The following KCNN2 variants were observed in gnomAD, a reference collection of about 807,000 sequenced individuals.
KCNN2 encodes small conductance calcium-activated potassium channel protein 2.
KCNN2 carries 24 observed loss-of-function variants against 55.5 expected under a neutral mutation model. The ratio of observed to expected loss-of-function variants is 0.43; its 90% CI spans 0.31 to 0.61. The LOEUF (loss-of-function observed/expected upper bound fraction) is 0.61, where lower values mean the gene tolerates loss of function less well. Ranked by LOEUF, KCNN2 falls within the 20% of genes least tolerant of loss-of-function variation. The probability of loss-of-function intolerance (pLI) is 0.08; values close to 1 mark genes in which losing one functional copy is unlikely to be tolerated. For synonymous variants in KCNN2, 431 were observed against 336.1 expected (o/e 1.28, Z -3.09); for missense variants, 754 against 853.6 (o/e 0.88, Z 1.45).
intron 1 of KCNN2, among the ~76,000 whole-genome samples, chr5:114,211,175 A>G (rs973478188): frequency 4.6e-5 from 7 of 152,204 alleles, no homozygotes; most frequent in Non-Finnish European, 1.0e-4. Flanking sequence ...AGATAAAAAC[A>G]GAAATACCAT....
At chr5:114,149,182 G>C (rs1317203681) in intron 1 of KCNN2, among the ~76,000 whole-genome samples, 1 of 152,118 alleles carries the variant, frequency 6.6e-6, no homozygotes, top group Non-Finnish European at 1.5e-5. Flanking sequence ...TTTAGAATGT[G>C]ATTGTCCCAT....
chr5:114,116,031 G>C (rs1048146039), intron 1 of KCNN2, among the ~76,000 whole-genome samples: 1 of 152,116 alleles, frequency 6.6e-6, no homozygotes, highest in African/African-American at 2.4e-5. Flanking sequence ...GGAGAATGCA[G>C]ATCTACATAG....
At chr5:114,186,787 C>T (rs766515185) in intron 1 of KCNN2, among the ~76,000 whole-genome samples, 1 of 152,080 alleles carries the variant, frequency 6.6e-6, no homozygotes, top group Non-Finnish European at 1.5e-5. Flanking sequence ...GATCATGACA[C>T]CAGGCTCAGG....
At chr5:114,426,708 A>C (rs1759636003) in intron 3 of KCNN2, among the ~76,000 whole-genome samples, 1 of 152,206 alleles carries the variant, frequency 6.6e-6, no homozygotes, top group Non-Finnish European at 1.5e-5. Flanking sequence ...CTGCTGTTAG[A>C]GAATGAAGAA....
chr5:114,486,608 G>A lies in KCNN2; in HGVS notation c.1891-442G>A, dbSNP rs112110697. 4,022 of 496,010 alleles carry A rather than the reference G, an allele frequency of 8.1e-3. 18 individuals carry two copies. The highest frequency in any genetic ancestry group is 0.012 in the Non-Finnish European group (3,595 of 295,682). 30.7% of individuals were successfully genotyped at this position (496,010 alleles called of 1,614,324 possible). On this transcript the variant is annotated intron_variant, in intron 5 of 7. Transcript: ENST00000673685. ...CTTATACATTCAGCACTGGAAACATGCCCTTCCAGTAGTGCACAGCCAGAA... is the reference window on the plus strand; with the variant it reads ...CTTATACATTCAGCACTGGAAACATACCCTTCCAGTAGTGCACAGCCAGAA...
chr5:114,482,025 A>T (rs1762250304), intron 5 of KCNN2, among the ~76,000 whole-genome samples: 1 of 152,224 alleles, frequency 6.6e-6, no homozygotes, highest in African/African-American at 2.4e-5. Context: ...GCAAAAATTG[A>T]CAAATGGGAT....
intron 2 of KCNN2, among the ~76,000 whole-genome samples, chr5:114,311,629 C>T (rs190266756): frequency 2.5e-4 from 38 of 152,232 alleles, no homozygotes; most frequent in Non-Finnish European, 4.3e-4. Flanking sequence ...TTGGTTTTAT[C>T]AAGCTTTTTG....
At chr5:114,151,325 G>A (rs1752519659) in intron 1 of KCNN2, among the ~76,000 whole-genome samples, 1 of 152,084 alleles carries the variant, frequency 6.6e-6, no homozygotes, top group East Asian at 1.9e-4. Flanking sequence ...GCAGTGGGTT[G>A]GGGACAGGGC....
At chr5:114,261,346 C>T (rs1227061316) in intron 2 of KCNN2, among the ~76,000 whole-genome samples, 1 of 152,202 alleles carries the variant, frequency 6.6e-6, no homozygotes, top group Non-Finnish European at 1.5e-5. Context: ...CACAGCCCAA[C>T]ACAGCACCCC....
chr5:114,311,820 A>C (rs1057313930), intron 2 of KCNN2, among the ~76,000 whole-genome samples: 8 of 152,164 alleles, frequency 5.3e-5, no homozygotes, highest in African/African-American at 1.7e-4. Context: ...TGTATTTGAA[A>C]GATTGGACCA....
chr5:114,404,238 C>A (rs528255065), intron 2 of KCNN2, among the ~76,000 whole-genome samples, 200 bp from the exon 3 acceptor site: 1 of 152,196 alleles, frequency 6.6e-6, no homozygotes, highest in Admixed American at 6.5e-5. Flanking sequence ...TCCTGAGTAC[C>A]AAGTTTTTAA....
chr5:114,375,357 A>G (rs1285585146), intron 2 of KCNN2, among the ~76,000 whole-genome samples: 1 of 152,174 alleles, frequency 6.6e-6, no homozygotes, highest in Non-Finnish European at 1.5e-5. Context: ...TTTCAAAGAT[A>G]CATCTAATAC....
intron 3 of KCNN2, among the ~76,000 whole-genome samples, chr5:114,442,254 A>G (rs1483715237): frequency 1.3e-5 from 2 of 150,522 alleles, no homozygotes; most frequent in Non-Finnish European, 3.0e-5. Context: ...ATACATATAT[A>G]TATATAATTT....
intron 5 of KCNN2, among the ~76,000 whole-genome samples, chr5:114,473,844 G>A (rs1211673372): frequency 6.6e-6 from 1 of 152,138 alleles, no homozygotes; most frequent in East Asian, 1.9e-4. Flanking sequence ...TTTTATAAAT[G>A]TGGAAACTAA....
chr5:114,476,079 C>T (rs1028192306), intron 5 of KCNN2, among the ~76,000 whole-genome samples: 3 of 151,796 alleles, frequency 2.0e-5, no homozygotes, highest in African/African-American at 2.4e-5. Flanking sequence ...GGTACATGTG[C>T]ACATTGTGCA....
intron 2 of KCNN2, among the ~76,000 whole-genome samples, chr5:114,251,909 C>T (rs1464735021): frequency 1.4e-5 from 2 of 139,464 alleles, no homozygotes; most frequent in Non-Finnish European, 1.5e-5. Context: ...GACAGGATCT[C>T]GCTCTGTCGC....
At chr5:114,178,586 T>C (rs1382711413) in intron 1 of KCNN2, among the ~76,000 whole-genome samples, 3 of 152,210 alleles carry the variant, frequency 2.0e-5, no homozygotes, top group East Asian at 1.9e-4. Context: ...TAGGAACCTC[T>C]ACAATGCATA....
chr5:114,223,651 A>C (rs886211184), intron 2 of KCNN2, among the ~76,000 whole-genome samples: 6 of 152,172 alleles, frequency 3.9e-5, no homozygotes, highest in Non-Finnish European at 7.3e-5. Flanking sequence ...CCAGGAATTG[A>C]CAACCTGAAA....
intron 1 of KCNN2, among the ~76,000 whole-genome samples, chr5:114,181,838 AC>A (rs1471042671): frequency 1.3e-5 from 2 of 151,878 alleles, no homozygotes; most frequent in Non-Finnish European, 2.9e-5. Context: ...CCATGGTGAA[AC>A]CCCGTCTCTA....
Sources: allele counts gnomAD v4.1 joint callset (sites outside exome capture counted in the v4.1 genomes callset), GRCh38; gene constraint gnomAD v4.1.1; transcripts MANE v1.5; gene names NCBI Gene and HGNC (gene_info 2026-07-23, HGNC 2026-07-21).